Variants in EML1 observed in about 807,000 individuals in gnomAD.
EML1 encodes EMAP like 1, also known as echinoderm microtubule-associated protein-like 1.
In EML1, 27 loss-of-function variants were observed where a neutral mutation model predicts 110.4. That is an observed-to-expected ratio of 0.24 (90% CI 0.18 to 0.34). EML1 has a LOEUF of 0.34. EML1 is among the 10% of genes least tolerant of loss of function. EML1 has a pLI of 1.00. For missense variants in EML1, 741 were observed against 1,030.9 expected, an observed-to-expected ratio of 0.72 and a Z score of 3.85; for synonymous variants, 344 against 385.8, an observed-to-expected ratio of 0.89 and a Z score of 1.27.
Position 99,917,075 on chromosome 14 carries a change from G to A in EML1, c.1753-707G>A, listed in dbSNP as rs574003279. Among the ~76,000 whole-genome samples, 5 of 152,294 alleles carry A rather than the reference G, an allele frequency of 3.3e-5. No homozygotes were observed. In the South Asian group the frequency reaches 6.2e-4, roughly 19 times the overall value. On this transcript the variant is annotated intron_variant, in intron 15 of 21. Transcript: ENST00000262233. ...CCCAGTGGGCACTCACCCAGTCTCC[G>A]TGTCATGGAGTTGGGTGCCGTGGTT...
chr14:99,853,828 C>G (rs1467405239), intron 2 of EML1, among the ~76,000 whole-genome samples: 1 of 152,094 alleles, frequency 6.6e-6, no homozygotes, highest in Non-Finnish European at 1.5e-5. Flanking sequence ...CGCCACCACA[C>G]CTGCTAATTT....
intron 11 of EML1, among the ~76,000 whole-genome samples, chr14:99,909,969 T>C (rs980629119): frequency 6.6e-6 from 1 of 152,142 alleles, no homozygotes; most frequent in Admixed American, 6.5e-5. Context: ...CCCCGGTCAG[T>C]ACCCTCCTCC....
At chr14:99,860,051 C>T (rs1176026314) in intron 2 of EML1, among the ~76,000 whole-genome samples, 2 of 152,102 alleles carry the variant, frequency 1.3e-5, no homozygotes, top group Non-Finnish European at 2.9e-5. Context: ...CTGTGTCTTC[C>T]AGCTCAGCTG....
chr14:99,833,226 T>C (rs1334324155), intron 1 of EML1, among the ~76,000 whole-genome samples: 3 of 152,254 alleles, frequency 2.0e-5, no homozygotes, highest in Admixed American at 6.5e-5. Flanking sequence ...TGTGTGGGTA[T>C]GGATATGCAA....
intron 4 of EML1, chr14:99,885,960 C>T (rs2059466714): frequency 4.5e-6 from 2 of 449,038 alleles, no homozygotes; most frequent in Non-Finnish European, 8.9e-6. Context: ...GTGCTCCTTC[C>T]ACCATGTTAA....
intron 3 of EML1, among the ~76,000 whole-genome samples, chr14:99,869,417 C>T (rs2059157521): frequency 6.6e-6 from 1 of 152,158 alleles, no homozygotes; most frequent in South Asian, 2.1e-4. Flanking sequence ...TGTGTCCTGA[C>T]TCCTCTGCCC....
intron 1 of EML1, among the ~76,000 whole-genome samples, chr14:99,748,614 C>T (rs541064636): frequency 5.3e-5 from 8 of 152,172 alleles, no homozygotes; most frequent in Non-Finnish European, 7.4e-5. Flanking sequence ...GTCATGATCG[C>T]TCCACTGCAC....
At chr14:99,938,140 G>GT (rs2060509349) in intron 20 of EML1, among the ~76,000 whole-genome samples, 2 of 152,068 alleles carry the variant, frequency 1.3e-5, no homozygotes, top group African/African-American at 4.8e-5. Flanking sequence ...CTTCTCCACT[G>GT]TACAGGGCAG....
chr14:99,875,058 A>G, intron 3 of EML1: 1 of 1,464,524 alleles, frequency 6.8e-7, no homozygotes, highest in Non-Finnish European at 9.5e-7. Context: ...GTTTTAACGT[A>G]GTAGCTTCAA....
rs1399352715 is a variant in EML1 at position 99,915,001 on chromosome 14, CT to C, written c.1752+306del. ...CAACCATCCTAAGAGCTGAAAAATA[CT>C]TGTTATGAGCCTGCATTCTATTTAC... On this transcript the variant is annotated intron_variant, in intron 15 of 21. Coordinates refer to ENST00000262233, the MANE Select transcript of EML1 (RefSeq NM_004434.3). 4 of 390,152 alleles carry C rather than the reference CT, an allele frequency of 1.0e-5. No homozygotes were observed. The Admixed American group carries it at 1.9e-4, about 18-fold the overall frequency. The allele number at this position is 390,152 out of a possible 1,614,324, so 24.2% of individuals were successfully genotyped here.
intron 1 of EML1, among the ~76,000 whole-genome samples, chr14:99,831,983 A>C (rs2139777256): frequency 6.6e-6 from 1 of 152,244 alleles, no homozygotes; most frequent in Admixed American, 6.5e-5. Flanking sequence ...GACCATAACC[A>C]CAATCAAGAT....
chr14:99,929,323 A>C (rs1309061422), intron 17 of EML1, among the ~76,000 whole-genome samples: 1 of 152,190 alleles, frequency 6.6e-6, no homozygotes, highest in Non-Finnish European at 1.5e-5. Flanking sequence ...CAACTGAAAG[A>C]AGTGTGAATG....
At chr14:99,738,008 C>G in intron 1 of EML1, 1 of 839,722 alleles carries the variant, frequency 1.2e-6, no homozygotes, top group African/African-American at 1.8e-5. Flanking sequence ...GGGCCTGTGC[C>G]GCTGGAAGGG....
rs1269937130 is a variant in EML1 at position 99,865,521 on chromosome 14, A to G, written c.258A>G (p.Pro86=). The part of the protein sequence containing the change: ...LNRKGPTKAR[P]LMQTLPLRTT... Reference sequence around the variant, plus strand: ...TTTCTGCTTGTCTTACAGCAAGACCACTGATGCAGACCCTGCCTTTAAGAA... The same window carrying G: ...TTTCTGCTTGTCTTACAGCAAGACCGCTGATGCAGACCCTGCCTTTAAGAA... The change falls in exon 3 of 22, where the codon CCA becomes CCG. Residue 86 remains proline, a synonymous_variant. Coordinates refer to ENST00000262233, the MANE Select transcript of EML1 (RefSeq NM_004434.3). 2.5e-6 allele frequency: 4 copies of G among 1,614,020 alleles called. No homozygotes were observed. The highest frequency in any genetic ancestry group is 2.5e-6 in the Non-Finnish European group (3 of 1,179,964).
Position 99,920,839 on chromosome 14 carries a change from A to C in EML1, c.1871A>C (p.Asp624Ala). Reference sequence around the variant, plus strand: ...AAAGACTTGGTCACCGTTCACACAGATGGAAACGAACAGCTCTCTGTAATG... The same window carrying C: ...AAAGACTTGGTCACCGTTCACACAGCTGGAAACGAACAGCTCTCTGTAATG... ...ETKDLVTVHT[D>A]GNEQLSVMRY... The change falls in exon 17 of 22, where the codon GAT becomes GCT. Residue 624 changes from aspartate to alanine, a missense_variant. This residue lies in a region of EML1 where 388 missense variants were observed against 605.6 expected (regional missense o/e 0.64). Transcript: ENST00000262233. 2.5e-6 allele frequency: 4 copies of C among 1,613,994 alleles called. No individual in the cohort carries two copies. The highest frequency in any genetic ancestry group is 3.4e-6 in the Non-Finnish European group (4 of 1,179,992).
intron 2 of EML1, among the ~76,000 whole-genome samples, chr14:99,851,700 GC>G (rs1271231616): frequency 6.6e-6 from 1 of 152,098 alleles, no homozygotes; most frequent in Non-Finnish European, 1.5e-5. Context: ...GTTCTACCTA[GC>G]TTTTTTTTGA....
intron 1 of EML1, among the ~76,000 whole-genome samples, chr14:99,819,669 T>C (rs1432409454): frequency 6.6e-6 from 1 of 152,140 alleles, no homozygotes; most frequent in African/African-American, 2.4e-5. Flanking sequence ...GTCTTAGAGC[T>C]TGGTGTCAGG....
chr14:99,891,401 C>G (rs145818950), intron 5 of EML1, among the ~76,000 whole-genome samples, 174 bp downstream of exon 5: 1,549 of 152,244 alleles, frequency 0.01, 31 homozygotes, highest in African/African-American at 0.036. Context: ...ATAGTGACAG[C>G]GAGACTGCCT....
chr14:99,787,381 C>T (rs965247004), intron 1 of EML1, among the ~76,000 whole-genome samples: 4 of 149,748 alleles, frequency 2.7e-5, no homozygotes, highest in Admixed American at 1.3e-4. Flanking sequence ...CCAGTTCAAG[C>T]GATTCTCCTG....
Sources: allele counts gnomAD v4.1 joint callset (sites outside exome capture counted in the v4.1 genomes callset), GRCh38; gene constraint gnomAD v4.1.1; regional missense constraint gnomAD v4.1.1; transcripts MANE v1.5; gene names NCBI Gene and HGNC (gene_info 2026-07-23, HGNC 2026-07-21).